DCC: variants seen among roughly 807,000 people sequenced by gnomAD.
The protein encoded by DCC is DCC netrin 1 receptor.
Under a neutral mutation model 172.5 loss-of-function variants are expected in DCC, and 58 were observed. The ratio of observed to expected loss-of-function variants is 0.34; its 90% CI spans 0.27 to 0.42. The LOEUF (loss-of-function observed/expected upper bound fraction) is 0.42, where lower values mean the gene tolerates loss of function less well. DCC is among the 10% of genes least tolerant of loss of function. The pLI is 1.00. For missense variants in DCC, 1,740 were observed against 1,791.0 expected (o/e 0.97, Z 0.51); for synonymous variants, 709 against 644.5 (o/e 1.10, Z -1.52).
At chr18:53,142,587 C>T (rs556048465) in intron 7 of DCC, among the ~76,000 whole-genome samples, 1 of 152,102 alleles carries the variant, frequency 6.6e-6, no homozygotes, top group African/African-American at 2.4e-5. Context: ...AGTCCCTACC[C>T]CTCTTTAAAA....
intron 2 of DCC, among the ~76,000 whole-genome samples, chr18:52,753,596 T>A (rs1296799286): frequency 3.3e-5 from 5 of 152,212 alleles, no homozygotes; most frequent in African/African-American, 1.2e-4. Flanking sequence ...CATATACATG[T>A]CAAGTAAGAA....
At chr18:52,968,837 A>G (rs1308184663) in intron 5 of DCC, among the ~76,000 whole-genome samples, 1 of 152,120 alleles carries the variant, frequency 6.6e-6, no homozygotes, top group Non-Finnish European at 1.5e-5. Context: ...TAGTGTAAGC[A>G]GTTTTTGTGA....
intron 7 of DCC, among the ~76,000 whole-genome samples, chr18:53,118,530 C>CT (rs1364370083): frequency 2.0e-5 from 3 of 151,716 alleles, no homozygotes; most frequent in African/African-American, 7.3e-5. Context: ...CACTTATATT[C>CT]ATTCCTTTGG....
At chr18:52,472,068 G>A (rs1988962955) in intron 1 of DCC, among the ~76,000 whole-genome samples, 1 of 152,162 alleles carries the variant, frequency 6.6e-6, no homozygotes, top group African/African-American at 2.4e-5. Context: ...TTATTAACTA[G>A]ATTTTCATCC....
At chr18:52,824,549 A>G (rs1338544561) in intron 2 of DCC, among the ~76,000 whole-genome samples, 2 of 152,154 alleles carry the variant, frequency 1.3e-5, no homozygotes, top group Admixed American at 1.3e-4. Flanking sequence ...AAAAAAAATT[A>G]GAGAATTTCT....
intron 1 of DCC, among the ~76,000 whole-genome samples, chr18:52,496,053 C>A (rs190401151): frequency 6.6e-6 from 1 of 152,022 alleles, no homozygotes; most frequent in Non-Finnish European, 1.5e-5. Context: ...TTTTAATATG[C>A]TATGTACCAT....
intron 5 of DCC, among the ~76,000 whole-genome samples, chr18:52,936,041 G>A (rs900330855): frequency 2.0e-5 from 3 of 152,004 alleles, no homozygotes; most frequent in Admixed American, 2.0e-4. Context: ...GAATCATACT[G>A]AAATGAGTTA....
intron 2 of DCC, among the ~76,000 whole-genome samples, chr18:52,856,637 A>AAAAAAG (rs2039059834): frequency 6.7e-6 from 1 of 150,152 alleles, no homozygotes; most frequent in South Asian, 2.1e-4. Context: ...AAAAAAAAAA[A>AAAAAAG]AAAAAAGAAA....
chr18:52,974,448 G>A (rs1317084380), intron 5 of DCC, among the ~76,000 whole-genome samples: 1 of 152,160 alleles, frequency 6.6e-6, no homozygotes, highest in Non-Finnish European at 1.5e-5. Flanking sequence ...TTTGCATAAG[G>A]CTGCCCCAAA....
At chr18:53,240,680 A>G (rs568588129) in intron 12 of DCC, among the ~76,000 whole-genome samples, 1 of 152,132 alleles carries the variant, frequency 6.6e-6, no homozygotes, top group Non-Finnish European at 1.5e-5. Flanking sequence ...CTCTCATGAG[A>G]TTGTCGTTGG....
At chr18:53,223,309 G>C (rs2055972278) in intron 12 of DCC, among the ~76,000 whole-genome samples, 2 of 152,016 alleles carry the variant, frequency 1.3e-5, no homozygotes, top group Admixed American at 6.6e-5. Flanking sequence ...CTTGCACAAA[G>C]GATTTTGACA....
At chr18:53,497,968 G>C (rs1376049149) in intron 26 of DCC, among the ~76,000 whole-genome samples, 1 of 152,120 alleles carries the variant, frequency 6.6e-6, no homozygotes, top group Non-Finnish European at 1.5e-5. Context: ...TTTTGGCTCT[G>C]ATTGCTATAT....
chr18:53,240,327 C>A lies in DCC; in HGVS notation c.1911+24730C>A, dbSNP rs78858397. Among the ~76,000 whole-genome samples the A allele has an allele frequency of 6.1e-3, 931 of 152,178 alleles. 5 individuals are homozygous for A. The highest frequency in any genetic ancestry group is 0.014 in the Middle Eastern group (4 of 294). On this transcript the variant is annotated intron_variant, in intron 12 of 28. Transcript: ENST00000442544. Reference sequence around the variant, plus strand: ...CCTTACACTGAATATTTTCCCATTTCTGAGGCTGCCTCAATTCATCTTATG... The same window carrying A: ...CCTTACACTGAATATTTTCCCATTTATGAGGCTGCCTCAATTCATCTTATG...
rs1168313132 is a variant in DCC at position 52,585,895 on chromosome 18, A to G, written c.92-166159A>G. The stretch of plus-strand genomic sequence containing the variant: ...TTAGGTGATCAAGACCATCTTGGCT[A>G]ACACGGTGAAACCCCGTCTCTACTA... On this transcript the variant is annotated intron_variant, in intron 1 of 28. Transcript: ENST00000442544. 5.3e-5 allele frequency among the ~76,000 whole-genome samples: 8 copies of G among 152,238 alleles called. No individual in the cohort carries two copies. The South Asian group carries it at 1.7e-3, about 32-fold the overall frequency.
intron 8 of DCC, among the ~76,000 whole-genome samples, chr18:53,158,118 A>T (rs1224660257): frequency 6.9e-6 from 1 of 145,138 alleles, no homozygotes; most frequent in East Asian, 2.2e-4. Flanking sequence ...GTCCCCACGA[A>T]AATTAAAAGT....
intron 1 of DCC, among the ~76,000 whole-genome samples, chr18:52,413,792 C>G (rs1986922235): frequency 6.6e-6 from 1 of 151,448 alleles, no homozygotes. Context: ...TTTGATGAGA[C>G]TCTGAGAGAA....
intron 1 of DCC, among the ~76,000 whole-genome samples, chr18:52,567,333 C>A (rs1268191392): frequency 6.6e-6 from 1 of 152,032 alleles, no homozygotes; most frequent in South Asian, 2.1e-4. Flanking sequence ...GTCACATCAT[C>A]TTTAGCCATT....
intron 1 of DCC, among the ~76,000 whole-genome samples, chr18:52,723,755 C>T (rs2036508405): frequency 6.6e-6 from 1 of 152,130 alleles, no homozygotes; most frequent in Non-Finnish European, 1.5e-5. Flanking sequence ...CTTTATATCC[C>T]AGAGTAAGGA....
In DCC at chr18:52,911,828, G is replaced by A. The variant is rs115814507; in HGVS notation, c.697+5500G>A. 2.1e-3 allele frequency among the ~76,000 whole-genome samples: 319 copies of A among 151,658 alleles called. 1 individual carries two copies. Among genetic ancestry groups the A allele is most frequent in the African/African-American group, 7.2e-3 (298 of 41,394 alleles). On this transcript the variant is annotated intron_variant, in intron 3 of 28. Coordinates refer to ENST00000442544, the MANE Select transcript of DCC (RefSeq NM_005215.4). Reference sequence around the variant, plus strand: ...TTCTCTTATACCAGGGTATAAACAGGGTGCACTTAGCCTTTCATAGATTTA... The same window carrying A: ...TTCTCTTATACCAGGGTATAAACAGAGTGCACTTAGCCTTTCATAGATTTA...
Sources: gnomAD v4.1 joint callset for allele counts (sites outside exome capture counted in the v4.1 genomes callset) on GRCh38, gnomAD v4.1.1 for gene constraint, MANE v1.5 for transcripts, NCBI Gene and HGNC (gene_info 2026-07-23, HGNC 2026-07-21) for gene names.